Variants in UBE3A observed in about 807,000 individuals in gnomAD.
UBE3A encodes ubiquitin-protein ligase E3A.
A neutral mutation model predicts 83.4 loss-of-function variants in UBE3A; 6 were observed. That is an observed-to-expected ratio of 0.07 (90% CI 0.04 to 0.14). The LOEUF is 0.14. Among genes scored for constraint, UBE3A ranks in the 10% least tolerant of loss-of-function variants. UBE3A has a pLI of 1.00. For missense variants in UBE3A, 456 were observed against 1,036.1 expected (o/e 0.44, Z 7.69); for synonymous variants, 337 against 355.4 (o/e 0.95, Z 0.58).
chr15:25,404,568 CTAT>C (rs952884747), intron 4 of UBE3A, among the ~76,000 whole-genome samples: 2 of 152,036 alleles, frequency 1.3e-5, no homozygotes, highest in African/African-American at 4.8e-5. Flanking sequence ...TTTTGAATTC[CTAT>C]TATACCACTG....
chr15:25,362,720 T>A (rs986440223), intron 6 of UBE3A, among the ~76,000 whole-genome samples: 2 of 152,170 alleles, frequency 1.3e-5, no homozygotes, highest in Non-Finnish European at 2.9e-5. Flanking sequence ...AAATTAGAAT[T>A]AACATCTTAG....
intron 11 of UBE3A, among the ~76,000 whole-genome samples, chr15:25,343,980 GAA>G (rs1477651910): frequency 6.6e-6 from 1 of 152,168 alleles, no homozygotes; most frequent in Non-Finnish European, 1.5e-5. Context: ...AAAGTTTTAA[GAA>G]AAGAGATACT....
At chr15:25,364,716 G>T (rs1010469210) in intron 6 of UBE3A, among the ~76,000 whole-genome samples, 17 of 148,984 alleles carry the variant, frequency 1.1e-4, no homozygotes, top group African/African-American at 2.8e-4. Context: ...CAATCTTGGC[G>T]CACTGCAAGC....
At chr15:25,397,588 G>A (rs1223709156) in intron 4 of UBE3A, among the ~76,000 whole-genome samples, 1 of 151,998 alleles carries the variant, frequency 6.6e-6, no homozygotes, top group Non-Finnish European at 1.5e-5. Flanking sequence ...TGCCTATCAT[G>A]CAACCCTTTT....
chr15:25,432,457 C>T (rs1010770941), intron 1 of UBE3A, among the ~76,000 whole-genome samples: 1 of 152,164 alleles, frequency 6.6e-6, no homozygotes, highest in African/African-American at 2.4e-5. Context: ...GCAATGGTAG[C>T]ATCTTCATTC....
intron 11 of UBE3A, among the ~76,000 whole-genome samples, chr15:25,351,889 TGATTCA>T (rs1218451074): frequency 6.6e-6 from 1 of 152,170 alleles, no homozygotes; most frequent in African/African-American, 2.4e-5. Context: ...TTCAAAGGTT[TGATTCA>T]GATTCAGAGT....
intron 1 of UBE3A, among the ~76,000 whole-genome samples, chr15:25,429,231 CAAGACAGTTG>C (rs1163114711): frequency 1.3e-5 from 2 of 152,132 alleles, no homozygotes; most frequent in African/African-American, 2.4e-5. Flanking sequence ...TTAAGAATCT[CAAGACAGTTG>C]TTACTTTGTG....
chr15:25,376,601 CA>C lies in UBE3A; in HGVS notation c.63-839del, dbSNP rs1235177674. ...AGGCTGCCATAAGCTGAAATTGCACCACTGCACTCCAGCCTGGGCAACAGAG... is the reference window on the plus strand; with the variant it reads ...AGGCTGCCATAAGCTGAAATTGCACCCTGCACTCCAGCCTGGGCAACAGAG... On this transcript the variant is annotated intron_variant, in intron 4 of 12. Transcript: ENST00000648336. Among the ~76,000 whole-genome samples, 5 of 152,108 alleles carry C rather than the reference CA, an allele frequency of 3.3e-5. No homozygotes were observed. In the East Asian group the frequency reaches 9.7e-4, roughly 29 times the overall value.
chr15:25,347,173 A>G (rs1025140602), intron 11 of UBE3A: 3 of 152,242 alleles, frequency 2.0e-5, no homozygotes, highest in African/African-American at 7.2e-5. Flanking sequence ...ACATGGGTAC[A>G]TACAACAGAG....
chr15:25,379,354 A>G (rs1432132464), intron 4 of UBE3A, among the ~76,000 whole-genome samples: 1 of 152,156 alleles, frequency 6.6e-6, no homozygotes, highest in Non-Finnish European at 1.5e-5. Flanking sequence ...CATACATCTA[A>G]TAAGAGATTT....
At chr15:25,387,968 T>C (rs1391010566) in intron 4 of UBE3A, among the ~76,000 whole-genome samples, 1 of 152,198 alleles carries the variant, frequency 6.6e-6, no homozygotes, top group East Asian at 1.9e-4. Context: ...AAATCCATAA[T>C]TAATAATGTT....
chr15:25,368,433 A>G (rs1008425427), intron 6 of UBE3A, among the ~76,000 whole-genome samples: 117 of 152,286 alleles, frequency 7.7e-4, no homozygotes, highest in African/African-American at 2.7e-3. Flanking sequence ...GAAAGTTAAG[A>G]GTAAAATCTG....
intron 11 of UBE3A, among the ~76,000 whole-genome samples, chr15:25,344,688 C>T (rs1215345892): frequency 6.6e-6 from 1 of 152,104 alleles, no homozygotes; most frequent in East Asian, 1.9e-4. Flanking sequence ...TACATTAACT[C>T]CTTACTCTAA....
In UBE3A at chr15:25,434,497, A is replaced by G. The variant is rs111299358; in HGVS notation, c.-165+3992T>C. 2.1e-3 allele frequency among the ~76,000 whole-genome samples: 318 copies of G among 152,370 alleles called. 3 individuals are homozygous for G. The highest frequency in any genetic ancestry group is 7.3e-3 in the African/African-American group (302 of 41,580). Reference sequence around the variant, plus strand: ...AAACATTTCGTGTTTGGATTATGGAATATGTCTCCAGAAGAATTAACACTA... The same window carrying G: ...AAACATTTCGTGTTTGGATTATGGAGTATGTCTCCAGAAGAATTAACACTA... On this transcript the variant is annotated intron_variant, in intron 1 of 12. Coordinates refer to ENST00000648336, the MANE Select transcript of UBE3A (RefSeq NM_130839.5).
At chr15:25,405,402 T>C in intron 4 of UBE3A, 59 bp downstream of exon 4, 6 of 1,555,274 alleles carry the variant, frequency 3.9e-6, no homozygotes, top group Non-Finnish European at 5.3e-6. Context: ...GTGACGTAAT[T>C]TAAAGCAGTC....
At chr15:25,345,958 T>G (rs2075622372) in intron 11 of UBE3A, 1 of 152,118 alleles carries the variant, frequency 6.6e-6, no homozygotes, top group South Asian at 2.1e-4. Context: ...AAGAAAAATC[T>G]TAAAATCAAA....
At chr15:25,378,090 A>C (rs1040477739) in intron 4 of UBE3A, among the ~76,000 whole-genome samples, 5 of 152,210 alleles carry the variant, frequency 3.3e-5, no homozygotes, top group African/African-American at 1.2e-4. Context: ...AGCAGTTATA[A>C]AACTTCATAT....
At chr15:25,372,963 T>C (rs1365446812) in intron 5 of UBE3A, among the ~76,000 whole-genome samples, 3 of 152,120 alleles carry the variant, frequency 2.0e-5, no homozygotes, top group Non-Finnish European at 4.4e-5. Flanking sequence ...TCTCCAAAAA[T>C]TGAAGCACAA....
chr15:25,357,979 C>G (rs2077477670), intron 7 of UBE3A, among the ~76,000 whole-genome samples: 1 of 140,246 alleles, frequency 7.1e-6, no homozygotes, highest in Non-Finnish European at 1.5e-5. Flanking sequence ...CAGCTTAGTG[C>G]AAGCTCCGCC....
Sources: allele counts gnomAD v4.1 joint callset (sites outside exome capture counted in the v4.1 genomes callset), GRCh38; gene constraint gnomAD v4.1.1; transcripts MANE v1.5; gene names NCBI Gene and HGNC (gene_info 2026-07-23, HGNC 2026-07-21).